PHF21A: variants seen among roughly 807,000 people sequenced by gnomAD.
The protein encoded by PHF21A is BHC80a.
Under a neutral mutation model 82.5 loss-of-function variants are expected in PHF21A, and 11 were observed. The observed-to-expected ratio is 0.13, with a 90% CI of 0.08 to 0.22. PHF21A has a LOEUF of 0.22. PHF21A is among the 10% of genes least tolerant of loss of function. PHF21A has a pLI of 1.00. For missense variants in PHF21A, 579 were observed against 837.8 expected (o/e 0.69, Z 3.81); for synonymous variants, 297 against 302.8 (o/e 0.98, Z 0.20).
chr11:45,967,145 G>T (rs922109772), intron 9 of PHF21A, among the ~76,000 whole-genome samples: 1 of 151,978 alleles, frequency 6.6e-6, no homozygotes, highest in Non-Finnish European at 1.5e-5. Flanking sequence ...GAGGCTGGTG[G>T]ATCACTTGAG....
At chr11:46,079,794 A>G (rs1178020349) in intron 4 of PHF21A, among the ~76,000 whole-genome samples, 1 of 151,744 alleles carries the variant, frequency 6.6e-6, no homozygotes, top group Non-Finnish European at 1.5e-5. Flanking sequence ...CTGAATGGAA[A>G]AGATCTTTAC....
chr11:45,973,967 C>T (rs1410765137), intron 7 of PHF21A, among the ~76,000 whole-genome samples: 1 of 152,208 alleles, frequency 6.6e-6, no homozygotes, highest in Admixed American at 6.5e-5. Context: ...CTACAAAATA[C>T]TGACTAAAGC....
intron 6 of PHF21A, among the ~76,000 whole-genome samples, chr11:46,069,307 T>C (rs1332768245): frequency 6.6e-6 from 1 of 152,198 alleles, no homozygotes; most frequent in Non-Finnish European, 1.5e-5. Context: ...ATTGGACCAA[T>C]GGCTTTACAT....
intron 10 of PHF21A, among the ~76,000 whole-genome samples, chr11:45,957,811 GAGA>G (rs1451469958): frequency 7.3e-6 from 1 of 136,626 alleles, no homozygotes; most frequent in African/African-American, 2.7e-5. Flanking sequence ...AAATGAAATA[GAGA>G]AGAACAACAG....
At chr11:45,997,637 G>A (rs1441238386) in intron 6 of PHF21A, among the ~76,000 whole-genome samples, 1 of 152,136 alleles carries the variant, frequency 6.6e-6, no homozygotes, top group Non-Finnish European at 1.5e-5. Context: ...AGCCTTAAAA[G>A]TGGCAGACAA....
chr11:46,051,065 T>A (rs1200468445), intron 6 of PHF21A, among the ~76,000 whole-genome samples: 2 of 152,198 alleles, frequency 1.3e-5, no homozygotes, highest in Non-Finnish European at 2.9e-5. Context: ...TACTCCTTCC[T>A]GGGAAACAGC....
At chr11:46,022,974 C>T (rs2095661060) in intron 6 of PHF21A, among the ~76,000 whole-genome samples, 1 of 152,156 alleles carries the variant, frequency 6.6e-6, no homozygotes, top group African/African-American at 2.4e-5. Flanking sequence ...TGGTCTCGAA[C>T]TCCTGATCTC....
Position 46,121,290 on chromosome 11 carries a change from A to T in PHF21A, c.-592T>A, listed in dbSNP as rs1006256621. 3.3e-5 allele frequency: 5 copies of T among 152,224 alleles called. No homozygotes were observed. The highest frequency in any genetic ancestry group is 7.3e-5 in the Non-Finnish European group (5 of 68,756). 9.4% of individuals were successfully genotyped at this position (152,224 alleles called of 1,614,324 possible). On this transcript the variant is annotated 5_prime_UTR_variant, in exon 1 of 19. Coordinates refer to ENST00000676320, the MANE Select transcript of PHF21A (RefSeq NM_001352027.3). ...AGGAACTGGATCCTCCTCCTCCTCC[A>T]GGAGGGACACACACAGGCCCCGGGC...
At chr11:46,106,824 T>C (rs1488870221) in intron 1 of PHF21A, among the ~76,000 whole-genome samples, 4 of 152,230 alleles carry the variant, frequency 2.6e-5, no homozygotes, top group Non-Finnish European at 2.9e-5. Context: ...CCCTTTCCCT[T>C]TTGGTCAACT....
Position 45,933,999 on chromosome 11 carries a change from G to T in PHF21A, c.2015C>A (p.Ala672Glu), listed in dbSNP as rs149898933. ...AGTCTCTTCCCCCTGGTTACAGTTC[G>T]CTGTGCAGCTCTGGGAGGAGGGGGA... ...APSPSSQSCT[A>E]NCNQGEETK The change falls in exon 19 of 19, where the codon GCG becomes GAG. Residue 672 changes from alanine to glutamate, a missense_variant. Coordinates refer to ENST00000676320, the MANE Select transcript of PHF21A (RefSeq NM_001352027.3). 1 of 1,593,082 alleles carries T rather than the reference G, an allele frequency of 6.3e-7. No homozygotes were observed. The highest frequency in any genetic ancestry group is 8.5e-7 in the Non-Finnish European group (1 of 1,170,410).
intron 1 of PHF21A, among the ~76,000 whole-genome samples, chr11:46,101,214 A>T (rs1045692711): frequency 6.6e-6 from 1 of 152,248 alleles, no homozygotes; most frequent in Admixed American, 6.5e-5. Flanking sequence ...TCCAGCAGGC[A>T]TCGTTCTTCA....
chr11:45,971,876 GT>G (rs1253801695), intron 7 of PHF21A, among the ~76,000 whole-genome samples: 33 of 23,028 alleles, frequency 1.4e-3, no homozygotes, highest in African/African-American at 3.2e-3. Context: ...TAAAAGGACA[GT>G]GTCTTTTTCT....
rs536607471 is a variant in PHF21A at position 46,058,789 on chromosome 11, TG to T, written c.153+17964del. 2.9e-3 allele frequency among the ~76,000 whole-genome samples: 448 copies of T among 152,288 alleles called. 2 individuals are homozygous for T. Among genetic ancestry groups the T allele is most frequent in the African/African-American group, 0.01 (431 of 41,556 alleles). The stretch of plus-strand genomic sequence containing the variant: ...CTTATTACATTCTCTTTACAAAATC[TG>T]GAACAAGAACAAGCCAGTGGGTCTG... On this transcript the variant is annotated intron_variant, in intron 6 of 18. Coordinates refer to ENST00000676320, the MANE Select transcript of PHF21A (RefSeq NM_001352027.3).
In PHF21A at chr11:46,045,327, T is replaced by C. The variant is rs544600962; in HGVS notation, c.153+31427A>G. 5.3e-5 allele frequency among the ~76,000 whole-genome samples: 8 copies of C among 152,310 alleles called. No homozygotes were observed. The South Asian group carries it at 1.7e-3, about 32-fold the overall frequency. On this transcript the variant is annotated intron_variant, in intron 6 of 18. Transcript: ENST00000676320. ...TAGCACACATTATTATACCAGGTAC[T>C]AACACAAAGGAGAGGCTGAAAATAT...
chr11:46,004,898 A>G (rs1219309089), intron 6 of PHF21A, among the ~76,000 whole-genome samples: 1 of 152,138 alleles, frequency 6.6e-6, no homozygotes, highest in Non-Finnish European at 1.5e-5. Flanking sequence ...TATCATGGCT[A>G]CCCTCAAGAA....
intron 6 of PHF21A, among the ~76,000 whole-genome samples, chr11:46,060,209 G>A (rs1336796734): frequency 1.3e-5 from 2 of 151,908 alleles, no homozygotes; most frequent in Non-Finnish European, 2.9e-5. Context: ...CGTTGGCCTG[G>A]CTGGTCTCAA....
intron 1 of PHF21A, among the ~76,000 whole-genome samples, chr11:46,116,255 T>C (rs1474044335): frequency 2.0e-5 from 3 of 152,156 alleles, no homozygotes; most frequent in African/African-American, 2.4e-5. Context: ...CCTTCTAAAA[T>C]AGAAAAACAA....
intron 6 of PHF21A, among the ~76,000 whole-genome samples, chr11:46,075,436 G>C (rs1052689905): frequency 3.9e-5 from 6 of 152,178 alleles, no homozygotes; most frequent in Non-Finnish European, 5.9e-5. Flanking sequence ...ACTATAAGGA[G>C]GCTCAGCGCT....
chr11:45,984,655 A>T (rs1041232648), intron 6 of PHF21A, among the ~76,000 whole-genome samples: 9 of 152,330 alleles, frequency 5.9e-5, no homozygotes, highest in Non-Finnish European at 1.2e-4. Context: ...GGAGAGACGG[A>T]AGGACTGCCC....
Sources: gnomAD v4.1 joint callset for allele counts (sites outside exome capture counted in the v4.1 genomes callset) on GRCh38, gnomAD v4.1.1 for gene constraint, MANE v1.5 for transcripts, NCBI Gene and HGNC (gene_info 2026-07-23, HGNC 2026-07-21) for gene names.